Variants in RMND1 observed in about 807,000 individuals in gnomAD.
RMND1 encodes the protein required for meiotic nuclear division protein 1 homolog.
A neutral mutation model predicts 54.0 loss-of-function variants in RMND1; 41 were observed. The ratio of observed to expected loss-of-function variants is 0.76; its 90% CI spans 0.59 to 0.98. RMND1 has a LOEUF of 0.98. Ranked by LOEUF, RMND1 falls within the 50% of genes least tolerant of loss-of-function variation. RMND1 has a pLI of 0.00. For missense variants in RMND1, 457 were observed against 532.0 expected, an observed-to-expected ratio of 0.86 and a Z score of 1.39; for synonymous variants, 183 against 181.7, an observed-to-expected ratio of 1.01 and a Z score of -0.06.
At chr6:151,436,109 A>AC (rs1554345791) in intron 3 of RMND1, 4 of 185,444 alleles carry the variant, frequency 2.2e-5, no homozygotes, top group Non-Finnish European at 3.1e-5. Context: ...CCATCCCAAA[A>AC]AACAAAAAAA....
At chr6:151,445,128 T>C in intron 2 of RMND1, 180 bp downstream of exon 2, 1 of 575,670 alleles carries the variant, frequency 1.7e-6, no homozygotes, top group Non-Finnish European at 2.9e-6. Context: ...GTATCATTAA[T>C]TGTTAAAAAT....
At position 151,405,187 on chromosome 6, in the gene RMND1, T is replaced by A. The variant is rs774363747; in HGVS notation, c.*48A>T. On this transcript the variant is annotated 3_prime_UTR_variant, in exon 12 of 12. Coordinates refer to ENST00000444024, the MANE Select transcript of RMND1 (RefSeq NM_017909.4). ...GCCGGGCCGAACATTTAATTTTTGA[T>A]TGTAGAACTTGAATATCTCTTGCAG... The A allele has an allele frequency of 6.4e-7, 1 of 1,565,130 alleles. No homozygotes were observed. Among genetic ancestry groups the A allele is most frequent in the Middle Eastern group, 1.7e-4 (1 of 5,936 alleles).
intron 9 of RMND1, 71 bp from the exon 10 acceptor site, chr6:151,417,470 T>C: frequency 1.5e-6 from 2 of 1,309,472 alleles, no homozygotes; most frequent in Non-Finnish European, 2.1e-6. Flanking sequence ...GTATTTAATA[T>C]TTACATAGTG....
At position 151,405,111 on chromosome 6, in the gene RMND1, C is replaced by T. The variant is rs1182688933; in HGVS notation, c.*124G>A. The T allele has an allele frequency of 6.5e-6, 5 of 765,724 alleles. No individual in the cohort carries two copies. Among genetic ancestry groups the T allele is most frequent in the Non-Finnish European group, 4.4e-6 (2 of 454,808 alleles). The allele number at this position is 765,724 out of a possible 1,614,324, so 47.4% of individuals were successfully genotyped here. On this transcript the variant is annotated 3_prime_UTR_variant, in exon 12 of 12. Transcript: ENST00000444024. ...CTTGAGCTCCTGATCTCATCTCAAG[C>T]CACCCTTCTTGGCCTCCGAAAGTGC...
intron 3 of RMND1, among the ~76,000 whole-genome samples, chr6:151,436,020 G>A (rs976148059): frequency 2.6e-5 from 4 of 151,128 alleles, no homozygotes; most frequent in Non-Finnish European, 5.9e-5. Context: ...CAGGAAAATC[G>A]CTTGAACCTG....
chr6:151,409,419 A>G (rs546662132), intron 10 of RMND1, among the ~76,000 whole-genome samples: 1 of 152,326 alleles, frequency 6.6e-6, no homozygotes, highest in Admixed American at 6.5e-5. Context: ...TAGATAGGTG[A>G]GGCTAGAAGG....
chr6:151,406,669 ATACC>A (rs141355309), intron 10 of RMND1, among the ~76,000 whole-genome samples: 3 of 152,192 alleles, frequency 2.0e-5, no homozygotes, highest in African/African-American at 7.2e-5. Flanking sequence ...TAACTGTTAA[ATACC>A]TACCTAATAT....
intron 9 of RMND1, among the ~76,000 whole-genome samples, chr6:151,420,264 C>T (rs1780118675): frequency 6.6e-6 from 1 of 152,162 alleles, no homozygotes; most frequent in South Asian, 2.1e-4. Flanking sequence ...GCAGGATGCT[C>T]CTGATGGATG....
In RMND1 at chr6:151,429,469, C is replaced by T. The variant is rs1400274027; in HGVS notation, c.729+669G>A. ...ACTGTATTATATATATAGGCAATCTCCCAGAAATAGATATTTTTTTACATG... is the reference window on the plus strand; with the variant it reads ...ACTGTATTATATATATAGGCAATCTTCCAGAAATAGATATTTTTTTACATG... On this transcript the variant is annotated intron_variant, in intron 5 of 11. Transcript: ENST00000444024. Among the ~76,000 whole-genome samples, 5 of 152,174 alleles carry T rather than the reference C, an allele frequency of 3.3e-5. No individual in the cohort carries two copies. The South Asian group carries it at 1.0e-3, about 32-fold the overall frequency.
chr6:151,421,249 G>A lies in RMND1; in HGVS notation c.1075C>T (p.Leu359=). ...ATTTAGAGAGAAAACTTTTACCTTA[G>A]AGCAAAGAGTTCACCGATTTTCTGC... ...VMQKIGELFA[L]RHRINLSSDF... is the part of the protein sequence containing the mutation. The change falls in exon 9 of 12, where the codon CTA becomes TTA. Residue 359 remains leucine, a synonymous_variant. Coordinates refer to ENST00000444024, the MANE Select transcript of RMND1 (RefSeq NM_017909.4). The A allele has an allele frequency of 3.1e-6, 5 of 1,600,728 alleles. No individual in the cohort carries two copies. The highest frequency in any genetic ancestry group is 4.3e-6 in the Non-Finnish European group (5 of 1,170,778).
Position 151,445,279 on chromosome 6 carries a change from C to T in RMND1, c.504+29G>A, listed in dbSNP as rs201026969. The T allele has an allele frequency of 1.0e-4, 164 of 1,577,374 alleles. No individual in the cohort carries two copies. In the East Asian group the frequency reaches 3.5e-3, roughly 34 times the overall value. On this transcript the variant is annotated intron_variant, in intron 2 of 11. Coordinates refer to ENST00000444024, the MANE Select transcript of RMND1 (RefSeq NM_017909.4). ...TTTAGCATGAGCAATGATCACTAAG[C>T]ACGAGAGCCACGGCCACCCCTACTT...
chr6:151,415,407 A>C (rs1026381373), intron 10 of RMND1, among the ~76,000 whole-genome samples: 9 of 152,162 alleles, frequency 5.9e-5, no homozygotes, highest in African/African-American at 2.2e-4. Flanking sequence ...AACCAGAGCA[A>C]CTACTAAATA....
chr6:151,422,814 T>C (rs1490516512), intron 7 of RMND1, among the ~76,000 whole-genome samples: 1 of 152,204 alleles, frequency 6.6e-6, no homozygotes, highest in Non-Finnish European at 1.5e-5. Context: ...CCATGCCCTA[T>C]TGGAAGACCA....
chr6:151,427,679 C>T (rs1780343037), intron 5 of RMND1, 97 bp from the exon 6 acceptor site: 1 of 707,268 alleles, frequency 1.4e-6, no homozygotes, highest in East Asian at 2.8e-5. Context: ...ATTACACTTA[C>T]AGGCATTATT....
intron 4 of RMND1, among the ~76,000 whole-genome samples, chr6:151,431,081 A>T (rs1247362545): frequency 6.6e-6 from 1 of 152,056 alleles, no homozygotes; most frequent in Non-Finnish European, 1.5e-5. Flanking sequence ...ATACCATGAG[A>T]TGTACACCAG....
At position 151,405,244 on chromosome 6, in the gene RMND1, T is replaced by TA; in HGVS notation, c.1340dup (p.Phe448IlefsTer6). 4 of 1,612,942 alleles carry TA rather than the reference T, an allele frequency of 2.5e-6. No individual in the cohort carries two copies. The highest frequency in any genetic ancestry group is 3.4e-6 in the Non-Finnish European group (4 of 1,179,050). Reference sequence around the variant, plus strand: ...TTTGGTTATCACTTGATCAGAAAAATACTCGTCCCAGCTCAAACATTACCT... The same window carrying TA: ...TTTGGTTATCACTTGATCAGAAAAATAACTCGTCCCAGCTCAAACATTACCT... On this transcript the variant is annotated frameshift_variant, in exon 12 of 12. Coordinates refer to ENST00000444024, the MANE Select transcript of RMND1 (RefSeq NM_017909.4). LOFTEE classifies it high-confidence loss of function.
chr6:151,413,278 G>A (rs1779911783), intron 10 of RMND1, among the ~76,000 whole-genome samples: 1 of 152,174 alleles, frequency 6.6e-6, no homozygotes, highest in Admixed American at 6.5e-5. Flanking sequence ...TTTTGAGACA[G>A]TCTCACTCTG....
At chr6:151,405,312 G>C (rs1370803535) in intron 11 of RMND1, 45 bp from the exon 12 acceptor site, 1 of 1,526,680 alleles carries the variant, frequency 6.6e-7, no homozygotes, top group Non-Finnish European at 9.1e-7. Context: ...GCAAATTATG[G>C]GTACAAACTA....
chr6:151,422,350 A>G (rs919762316), intron 8 of RMND1, among the ~76,000 whole-genome samples, 191 bp downstream of exon 8: 4 of 152,216 alleles, frequency 2.6e-5, no homozygotes, highest in African/African-American at 9.6e-5. Flanking sequence ...GAGGATATGC[A>G]TAGGTTATAT....
Sources: gnomAD v4.1 joint callset for allele counts (sites outside exome capture counted in the v4.1 genomes callset) on GRCh38, gnomAD v4.1.1 for gene constraint, MANE v1.5 for transcripts, NCBI Gene and HGNC (gene_info 2026-07-23, HGNC 2026-07-21) for gene names.